The following TMEM132D variants were observed in gnomAD, a reference collection of about 807,000 sequenced individuals.
The protein encoded by TMEM132D is transmembrane protein 132D.
In TMEM132D, 21 loss-of-function variants were observed where a neutral mutation model predicts 62.3. The observed-to-expected ratio is 0.34, with a 90% CI of 0.24 to 0.49. The LOEUF (loss-of-function observed/expected upper bound fraction) is 0.49. TMEM132D is among the 20% of genes least tolerant of loss of function. The probability of loss-of-function intolerance (pLI) is 0.99; values close to 1 mark genes in which losing one functional copy is unlikely to be tolerated. For missense variants in TMEM132D, 1,346 were observed against 1,402.8 expected, an observed-to-expected ratio of 0.96 and a Z score of 0.65; for synonymous variants, 621 against 575.6, an observed-to-expected ratio of 1.08 and a Z score of -1.13.
chr12:129,690,850 T>G (rs1264223565), intron 2 of TMEM132D, among the ~76,000 whole-genome samples: 1 of 152,148 alleles, frequency 6.6e-6, no homozygotes, highest in Non-Finnish European at 1.5e-5. Flanking sequence ...CTTGATCTAA[T>G]TGACATTTAT....
chr12:129,550,356 C>T (rs1039396885), intron 2 of TMEM132D, among the ~76,000 whole-genome samples: 2 of 152,142 alleles, frequency 1.3e-5, no homozygotes, highest in South Asian at 2.1e-4. Flanking sequence ...TGGGATTTGT[C>T]TAACAAGGGA....
intron 3 of TMEM132D, among the ~76,000 whole-genome samples, chr12:129,484,431 T>C (rs951176712): frequency 2.0e-5 from 3 of 152,262 alleles, no homozygotes; most frequent in African/African-American, 7.2e-5. Context: ...CCTTGATTCA[T>C]ATTTTTGCTC....
chr12:129,087,937 ATGACCGGGGTGTCCTCCCTGACCGGGG>A (rs1874689206), intron 5 of TMEM132D, among the ~76,000 whole-genome samples: 2 of 28,290 alleles, frequency 7.1e-5, no homozygotes, highest in East Asian at 1.8e-3. Flanking sequence ...GGTGTCCTCC[ATGACCGGGGTGTCCTCCCTGACCGGGG>A]TGTCCTCCAT....
chr12:129,671,838 A>C (rs1442988779), intron 2 of TMEM132D, among the ~76,000 whole-genome samples: 1 of 152,220 alleles, frequency 6.6e-6, no homozygotes. Flanking sequence ...GGAAAACGCA[A>C]GGCAGCAAAG....
chr12:129,863,690 G>T (rs1362562155), intron 1 of TMEM132D, among the ~76,000 whole-genome samples: 4 of 152,070 alleles, frequency 2.6e-5, no homozygotes, highest in Non-Finnish European at 5.9e-5. Flanking sequence ...CCCCAGAAAA[G>T]AAGCAAGATT....
intron 3 of TMEM132D, among the ~76,000 whole-genome samples, chr12:129,432,580 C>T (rs1872692321): frequency 1.3e-5 from 2 of 152,178 alleles, no homozygotes; most frequent in African/African-American, 4.8e-5. Flanking sequence ...CCTTATGTGA[C>T]TCTGTAGTGT....
chr12:129,227,249 A>G (rs79129657), intron 4 of TMEM132D, among the ~76,000 whole-genome samples: 3,361 of 140,282 alleles, frequency 0.024, 112 homozygotes, highest in African/African-American at 0.077. Context: ...GATAATAACA[A>G]TAACTTCCTT....
At chr12:129,557,551 C>CA (rs150910292) in intron 2 of TMEM132D, among the ~76,000 whole-genome samples, 18,440 of 152,054 alleles carry the variant, frequency 0.12, 1,447 homozygotes, top group East Asian at 0.42. Context: ...CCTGTCTCTA[C>CA]AAAAAAATCA....
intron 3 of TMEM132D, among the ~76,000 whole-genome samples, chr12:129,426,599 G>T (rs575460335): frequency 6.6e-6 from 1 of 152,166 alleles, no homozygotes; most frequent in Non-Finnish European, 1.5e-5. Context: ...TCTCCATCAT[G>T]TCTCAGATGG....
chr12:129,811,158 G>A lies in TMEM132D; in HGVS notation c.79+92103C>T, dbSNP rs934144666. On this transcript the variant is annotated intron_variant, in intron 1 of 8. Transcript: ENST00000422113. ...TTTAAGACAATGTTTAGAACTCACC[G>A]AAGAACATAAAATGTTTGGGGAAAA... Among the ~76,000 whole-genome samples the A allele has an allele frequency of 1.2e-4, 18 of 151,646 alleles. No individual in the cohort carries two copies. The South Asian group carries it at 3.2e-3, about 27-fold the overall frequency.
chr12:129,764,603 T>C (rs1199021294), intron 1 of TMEM132D, among the ~76,000 whole-genome samples: 1 of 152,150 alleles, frequency 6.6e-6, no homozygotes, highest in Non-Finnish European at 1.5e-5. Flanking sequence ...TATGTGTGTG[T>C]GTGTGTGTTT....
At chr12:129,579,144 T>A (rs1375132615) in intron 2 of TMEM132D, among the ~76,000 whole-genome samples, 1 of 152,180 alleles carries the variant, frequency 6.6e-6, no homozygotes, top group Non-Finnish European at 1.5e-5. Flanking sequence ...AAGGGAAAAA[T>A]GCTTTTGAAC....
chr12:129,253,573 A>G (rs1880324900), intron 4 of TMEM132D, among the ~76,000 whole-genome samples: 1 of 152,234 alleles, frequency 6.6e-6, no homozygotes, highest in African/African-American at 2.4e-5. Context: ...TGGGCTTTAT[A>G]CCTACTATTT....
intron 4 of TMEM132D, among the ~76,000 whole-genome samples, chr12:129,269,321 G>A (rs34009802): frequency 6.9e-6 from 1 of 145,976 alleles, no homozygotes; most frequent in East Asian, 2.2e-4. Context: ...ATTACCTGAT[G>A]GTATTTTTTG....
In TMEM132D at chr12:129,692,820, C is replaced by T. The variant is rs150464395; in HGVS notation, c.968+6990G>A. Among the ~76,000 whole-genome samples, 630 of 151,654 alleles carry T rather than the reference C, an allele frequency of 4.2e-3. 7 individuals carry two copies. Among genetic ancestry groups the T allele is most frequent in the African/African-American group, 0.015 (604 of 41,354 alleles). ...AATGAGAAAACAGGGACACAGAGAGCGGAACAACATTCACTGGGGCCTGTC... is the reference window on the plus strand; with the variant it reads ...AATGAGAAAACAGGGACACAGAGAGTGGAACAACATTCACTGGGGCCTGTC... On this transcript the variant is annotated intron_variant, in intron 2 of 8. Coordinates refer to ENST00000422113, the MANE Select transcript of TMEM132D (RefSeq NM_133448.3).
intron 3 of TMEM132D, among the ~76,000 whole-genome samples, chr12:129,505,863 A>G (rs1875313930): frequency 6.6e-6 from 1 of 152,094 alleles, no homozygotes; most frequent in African/African-American, 2.4e-5. Flanking sequence ...TTTGGTGTCC[A>G]TTTGCATGGA....
intron 5 of TMEM132D, among the ~76,000 whole-genome samples, chr12:129,143,331 G>A (rs1012625128): frequency 5.9e-5 from 9 of 152,196 alleles, no homozygotes; most frequent in Non-Finnish European, 8.8e-5. Flanking sequence ...GACATATAGG[G>A]TGAAGCATGG....
At chr12:129,659,651 G>C (rs992674029) in intron 2 of TMEM132D, among the ~76,000 whole-genome samples, 1 of 151,506 alleles carries the variant, frequency 6.6e-6, no homozygotes, top group Admixed American at 6.6e-5. Flanking sequence ...TGTGTAATTA[G>C]TCATATGAAT....
chr12:129,239,197 T>C (rs1879868078), intron 4 of TMEM132D, among the ~76,000 whole-genome samples: 1 of 152,178 alleles, frequency 6.6e-6, no homozygotes, highest in African/African-American at 2.4e-5. Context: ...CTTTTTGTGG[T>C]TGAGCTGTAG....
Sources: allele counts gnomAD v4.1 joint callset (sites outside exome capture counted in the v4.1 genomes callset), GRCh38; gene constraint gnomAD v4.1.1; transcripts MANE v1.5; gene names NCBI Gene and HGNC (gene_info 2026-07-23, HGNC 2026-07-21).